The following RARB variants were observed in gnomAD, a reference collection of about 807,000 sequenced individuals.
RARB encodes retinoic acid receptor beta.
A neutral mutation model predicts 51.9 loss-of-function variants in RARB; 17 were observed. The observed-to-expected ratio is 0.33, with a 90% CI of 0.22 to 0.49. The LOEUF is 0.49. RARB is among the 20% of genes least tolerant of loss of function. The pLI is 0.99. For missense variants in RARB, 369 were observed against 550.8 expected, an observed-to-expected ratio of 0.67 and a Z score of 3.30; for synonymous variants, 215 against 195.4, an observed-to-expected ratio of 1.10 and a Z score of -0.84.
intron 3 of RARB, among the ~76,000 whole-genome samples, chr3:25,536,641 G>T (rs1439311220): frequency 6.6e-6 from 1 of 152,198 alleles, no homozygotes; most frequent in Non-Finnish European, 1.5e-5. Context: ...TGGTGGATAT[G>T]GGGGGATTCG....
intron 2 of RARB, among the ~76,000 whole-genome samples, chr3:24,926,464 C>G (rs17015467): frequency 0.045 from 6,855 of 152,114 alleles, 187 homozygotes; most frequent in Middle Eastern, 0.11. Context: ...GCAAATACAT[C>G]TGAGTTGAGA....
intron 1 of RARB, among the ~76,000 whole-genome samples, chr3:24,841,584 AT>A (rs571647154): frequency 2.8e-3 from 433 of 152,372 alleles, no homozygotes; most frequent in Non-Finnish European, 2.6e-3. Context: ...TATTCTGTCC[AT>A]TTGATATTTT....
At chr3:24,866,177 T>C (rs78386173) in intron 2 of RARB, among the ~76,000 whole-genome samples, 1 of 152,088 alleles carries the variant, frequency 6.6e-6, no homozygotes, top group East Asian at 1.9e-4. Context: ...CAACCTCTCA[T>C]TTCATCTCTT....
rs1705184515 is a variant in RARB, at chr3:25,340,059, G to A, written c.179-121134G>A. ...GAAGACTGCAGCCTACTAGCTATTG[G>A]TACAGAGCATGTAAAGCGAAGGAGA... On this transcript the variant is annotated intron_variant, in intron 5 of 11. Transcript: ENST00000383772. Among the ~76,000 whole-genome samples the A allele has an allele frequency of 3.3e-5, 5 of 152,156 alleles. 1 individual carries two copies. The highest frequency in any genetic ancestry group is 3.3e-4 in the Admixed American group (5 of 15,248).
At chr3:25,543,370 C>G (rs1575503076) in intron 3 of RARB, among the ~76,000 whole-genome samples, 1 of 152,166 alleles carries the variant, frequency 6.6e-6, no homozygotes, top group Non-Finnish European at 1.5e-5. Flanking sequence ...TCCCCCCAAC[C>G]AGTTCCTACT....
chr3:25,059,753 T>TA (rs1036539459), intron 2 of RARB, among the ~76,000 whole-genome samples: 52 of 151,364 alleles, frequency 3.4e-4, no homozygotes, highest in African/African-American at 1.2e-3. Flanking sequence ...ACCTCCTATT[T>TA]AAAAAAAAGC....
At chr3:24,871,755 T>G (rs1010113956) in intron 2 of RARB, among the ~76,000 whole-genome samples, 12 of 152,338 alleles carry the variant, frequency 7.9e-5, no homozygotes, top group African/African-American at 2.9e-4. Context: ...ACCCCAGACC[T>G]GCACCATGTA....
At chr3:25,031,118 G>C (rs1697864986) in intron 2 of RARB, among the ~76,000 whole-genome samples, 1 of 152,116 alleles carries the variant, frequency 6.6e-6, no homozygotes, top group Non-Finnish European at 1.5e-5. Flanking sequence ...AGCATCCCCG[G>C]CCTCAACTCA....
chr3:25,115,700 C>G (rs1699674995), intron 3 of RARB, among the ~76,000 whole-genome samples: 2 of 151,222 alleles, frequency 1.3e-5, no homozygotes, highest in South Asian at 2.1e-4. Flanking sequence ...CTCACTCTGT[C>G]ACCCAGGCTG....
intron 2 of RARB, among the ~76,000 whole-genome samples, chr3:25,001,837 T>C (rs1180906759): frequency 1.3e-5 from 2 of 152,188 alleles, no homozygotes; most frequent in East Asian, 3.9e-4. Flanking sequence ...TACGCATCCA[T>C]GTGTTCCATA....
chr3:25,081,621 A>ATATATAAATTTTTT (rs1553631108), intron 3 of RARB, among the ~76,000 whole-genome samples: 1 of 5,804 alleles, frequency 1.7e-4, no homozygotes, highest in Non-Finnish European at 3.1e-4. Context: ...ATATATATAT[A>ATATATAAATTTTTT]TTTTTTTTTT....
At chr3:24,998,006 G>A (rs568972591) in intron 2 of RARB, among the ~76,000 whole-genome samples, 6 of 151,828 alleles carry the variant, frequency 4.0e-5, no homozygotes, top group African/African-American at 1.2e-4. Context: ...TTTTAACCTC[G>A]CAGTATACTT....
At chr3:25,430,628 TTTATCTAGGGAGAGCGAGCGG>T (rs1708165605) in intron 1 of RARB, among the ~76,000 whole-genome samples, 1 of 152,224 alleles carries the variant, frequency 6.6e-6, no homozygotes, top group East Asian at 1.9e-4. Context: ...AGGGATTTGC[TTTATCTAGGGAGAGCGAGCGG>T]TGAATGTGTC....
intron 5 of RARB, among the ~76,000 whole-genome samples, chr3:25,311,384 A>G (rs1178961707): frequency 6.6e-6 from 1 of 152,276 alleles, no homozygotes; most frequent in African/African-American, 2.4e-5. Flanking sequence ...CTAGCCATCC[A>G]TACTGTTTGG....
At chr3:25,489,316 A>G (rs1696614399) in intron 2 of RARB, among the ~76,000 whole-genome samples, 1 of 152,222 alleles carries the variant, frequency 6.6e-6, no homozygotes, top group Non-Finnish European at 1.5e-5. Flanking sequence ...TTTTTTGCTA[A>G]TTTGGAATAA....
chr3:25,475,021 G>A (rs1297529801), intron 2 of RARB, among the ~76,000 whole-genome samples: 1 of 152,078 alleles, frequency 6.6e-6, no homozygotes, highest in Non-Finnish European at 1.5e-5. Context: ...AATCGTAAAT[G>A]GGTCTTACTG....
At chr3:25,269,126 GA>G (rs1171688248) in intron 5 of RARB, among the ~76,000 whole-genome samples, 1 of 152,120 alleles carries the variant, frequency 6.6e-6, no homozygotes, top group African/African-American at 2.4e-5. Context: ...TGGTACAGTA[GA>G]ATATAATTTT....
At chr3:25,144,683 T>C (rs1281863856) in intron 4 of RARB, among the ~76,000 whole-genome samples, 1 of 152,202 alleles carries the variant, frequency 6.6e-6, no homozygotes, top group Non-Finnish European at 1.5e-5. Flanking sequence ...ACTTCTCCCA[T>C]TGATGAATAA....
At chr3:25,382,998 G>A (rs1706675453) in intron 5 of RARB, among the ~76,000 whole-genome samples, 1 of 152,196 alleles carries the variant, frequency 6.6e-6, no homozygotes, top group Non-Finnish European at 1.5e-5. Context: ...GAACTAGAGT[G>A]AGAACATCTA....
Sources: gnomAD v4.1 joint callset for allele counts (sites outside exome capture counted in the v4.1 genomes callset) on GRCh38, gnomAD v4.1.1 for gene constraint, MANE v1.5 for transcripts, NCBI Gene and HGNC (gene_info 2026-07-23, HGNC 2026-07-21) for gene names.